CCSER1: variants seen among roughly 807,000 people sequenced by gnomAD.
The protein encoded by CCSER1 is serine-rich coiled-coil domain-containing protein 1.
CCSER1 carries 41 observed loss-of-function variants against 82.0 expected under a neutral mutation model. That is an observed-to-expected ratio of 0.50 (90% CI 0.39 to 0.65). CCSER1 has a LOEUF of 0.65. Among genes scored for constraint, CCSER1 ranks in the 30% least tolerant of loss-of-function variants. The pLI, the probability that CCSER1 is intolerant of heterozygous loss-of-function variation, is 0.00. For missense variants in CCSER1, 1,119 were observed against 1,064.2 expected, an observed-to-expected ratio of 1.05 and a Z score of -0.72; for synonymous variants, 414 against 383.9, an observed-to-expected ratio of 1.08 and a Z score of -0.92.
intron 1 of CCSER1, among the ~76,000 whole-genome samples, chr4:90,153,706 A>C (rs923484701): frequency 1.3e-5 from 2 of 152,098 alleles, no homozygotes; most frequent in African/African-American, 4.8e-5. Flanking sequence ...GTCTGTTCAT[A>C]TCCTTCACCC....
intron 10 of CCSER1, among the ~76,000 whole-genome samples, chr4:91,548,020 C>T (rs1761975393): frequency 1.3e-5 from 2 of 152,084 alleles, no homozygotes. Context: ...CGAGCTCAGG[C>T]AATCCACCTG....
chr4:90,269,157 C>T (rs746533751), intron 1 of CCSER1, among the ~76,000 whole-genome samples: 1 of 152,008 alleles, frequency 6.6e-6, no homozygotes, highest in Non-Finnish European at 1.5e-5. Flanking sequence ...AGCAAAGAAA[C>T]ATTTAATCTG....
chr4:90,956,351 A>G (rs1439075008), intron 9 of CCSER1, among the ~76,000 whole-genome samples: 1 of 152,138 alleles, frequency 6.6e-6, no homozygotes, highest in African/African-American at 2.4e-5. Flanking sequence ...TATAGAAAAA[A>G]TAGGGCAGGA....
chr4:91,159,334 TATTA>T (rs1731141590), intron 10 of CCSER1, among the ~76,000 whole-genome samples: 1 of 151,926 alleles, frequency 6.6e-6, no homozygotes, highest in South Asian at 2.1e-4. Flanking sequence ...TTGGAAACCA[TATTA>T]ATTATTTCAT....
chr4:90,767,980 T>C (rs1433079888), intron 7 of CCSER1, among the ~76,000 whole-genome samples: 1 of 152,214 alleles, frequency 6.6e-6, no homozygotes, highest in African/African-American at 2.4e-5. Context: ...TAGGTGTCTG[T>C]GGTAGGCTCT....
intron 8 of CCSER1, among the ~76,000 whole-genome samples, chr4:90,884,335 A>G (rs1399597952): frequency 6.6e-6 from 1 of 152,218 alleles, no homozygotes; most frequent in Admixed American, 6.5e-5. Flanking sequence ...AAGTAGCCCC[A>G]TTTAGGGGCA....
At chr4:90,282,450 G>A (rs1729043266) in intron 1 of CCSER1, among the ~76,000 whole-genome samples, 1 of 150,592 alleles carries the variant, frequency 6.6e-6, no homozygotes, top group African/African-American at 2.4e-5. Flanking sequence ...ATTTATATAT[G>A]TATACATATA....
At chr4:91,272,244 C>T (rs1742093174) in intron 10 of CCSER1, among the ~76,000 whole-genome samples, 1 of 152,180 alleles carries the variant, frequency 6.6e-6, no homozygotes, top group African/African-American at 2.4e-5. Context: ...TTCCTGTTCA[C>T]TGCATTCACA....
intron 10 of CCSER1, among the ~76,000 whole-genome samples, chr4:91,215,932 C>G (rs1054502734): frequency 6.6e-6 from 1 of 152,188 alleles, no homozygotes; most frequent in African/African-American, 2.4e-5. Flanking sequence ...TTGAAAACTG[C>G]TTAATTTTCC....
rs1779358053 is a variant in CCSER1, at chr4:90,566,204, T to A, written c.1725-61821T>A. 2.0e-5 allele frequency among the ~76,000 whole-genome samples: 3 copies of A among 152,042 alleles called. No homozygotes were observed. In the South Asian group the frequency reaches 6.2e-4, roughly 32 times the overall value. On this transcript the variant is annotated intron_variant, in intron 5 of 10. Transcript: ENST00000509176. ...CTGTTAAATTTAGTTTGCTAGTATTTTCTTTAGGATTTTTGCATCTCTGTC... is the reference window on the plus strand; with the variant it reads ...CTGTTAAATTTAGTTTGCTAGTATTATCTTTAGGATTTTTGCATCTCTGTC...
At chr4:90,902,286 T>C (rs1724774097) in intron 8 of CCSER1, among the ~76,000 whole-genome samples, 1 of 152,056 alleles carries the variant, frequency 6.6e-6, no homozygotes, top group Non-Finnish European at 1.5e-5. Context: ...TATTCATATG[T>C]CATTTTAGAT....
chr4:91,173,778 T>C (rs1733020801), intron 10 of CCSER1, among the ~76,000 whole-genome samples: 1 of 152,126 alleles, frequency 6.6e-6, no homozygotes, highest in Admixed American at 6.6e-5. Flanking sequence ...AACTTTTTAT[T>C]TTGTTTCTTC....
intron 8 of CCSER1, among the ~76,000 whole-genome samples, chr4:90,834,907 T>TA (rs1225837418): frequency 1.3e-5 from 2 of 152,212 alleles, no homozygotes; most frequent in East Asian, 1.9e-4. Flanking sequence ...CAAGTTTCCT[T>TA]AAAAAACAAA....
chr4:90,573,827 T>C (rs1290313927), intron 5 of CCSER1, among the ~76,000 whole-genome samples: 1 of 152,224 alleles, frequency 6.6e-6, no homozygotes, highest in Non-Finnish European at 1.5e-5. Flanking sequence ...CCTGCTTCTA[T>C]GTGAGCACCA....
intron 10 of CCSER1, among the ~76,000 whole-genome samples, chr4:91,277,766 T>C (rs576292604): frequency 9.2e-5 from 14 of 152,034 alleles, no homozygotes; most frequent in East Asian, 7.7e-4. Flanking sequence ...TTTCTTGAGG[T>C]GCATCATTGC....
At chr4:90,485,129 G>C (rs1281593315) in intron 5 of CCSER1, among the ~76,000 whole-genome samples, 1 of 152,218 alleles carries the variant, frequency 6.6e-6, no homozygotes, top group Non-Finnish European at 1.5e-5. Flanking sequence ...TCAGACTGCT[G>C]TGCTAGCAAT....
At chr4:91,550,941 A>G (rs1362595448) in intron 10 of CCSER1, among the ~76,000 whole-genome samples, 1 of 152,180 alleles carries the variant, frequency 6.6e-6, no homozygotes, top group Non-Finnish European at 1.5e-5. Flanking sequence ...TTTAAATAAT[A>G]TTGAAAGTTT....
At chr4:90,577,513 A>G (rs1048090068) in intron 5 of CCSER1, among the ~76,000 whole-genome samples, 2 of 152,076 alleles carry the variant, frequency 1.3e-5, no homozygotes, top group Admixed American at 6.6e-5. Flanking sequence ...CTAATTTTGT[A>G]TGTCTATCTC....
intron 10 of CCSER1, among the ~76,000 whole-genome samples, chr4:91,190,984 T>C (rs555159211): frequency 7.2e-5 from 11 of 152,342 alleles, no homozygotes; most frequent in African/African-American, 2.6e-4. Flanking sequence ...TTAAATGAGT[T>C]AATCAGAATA....
Sources: gnomAD v4.1 joint callset for allele counts (sites outside exome capture counted in the v4.1 genomes callset) on GRCh38, gnomAD v4.1.1 for gene constraint, MANE v1.5 for transcripts, NCBI Gene and HGNC (gene_info 2026-07-23, HGNC 2026-07-21) for gene names.